Variants in DCN observed in about 807,000 individuals in gnomAD.
DCN encodes the protein decorin.
Under a neutral mutation model 36.5 loss-of-function variants are expected in DCN, and 17 were observed. The ratio of observed to expected loss-of-function variants is 0.47; its 90% CI spans 0.32 to 0.70. DCN has a LOEUF of 0.70. Ranked by LOEUF, DCN falls within the 30% of genes least tolerant of loss-of-function variation. The pLI is 0.04. For missense variants in DCN, 389 were observed against 430.1 expected (o/e 0.90, Z 0.84); for synonymous variants, 163 against 161.4 (o/e 1.01, Z -0.07).
intron 2 of DCN, among the ~76,000 whole-genome samples, chr12:91,166,728 A>G (rs1209650676): frequency 6.6e-6 from 1 of 152,116 alleles, no homozygotes; most frequent in Non-Finnish European, 1.5e-5. Context: ...ATTTTATAAC[A>G]CTAGGAACTA....
At chr12:91,156,500 A>G (rs1182793124) in intron 5 of DCN, among the ~76,000 whole-genome samples, 1 of 152,168 alleles carries the variant, frequency 6.6e-6, no homozygotes, top group Non-Finnish European at 1.5e-5. Flanking sequence ...TAACTTTTTC[A>G]AAGTCTTTGA....
At chr12:91,176,798 T>C (rs1184155871) in intron 2 of DCN, 1 of 152,184 alleles carries the variant, frequency 6.6e-6, no homozygotes, top group East Asian at 1.9e-4. Context: ...TCGCATTACA[T>C]TTTTTGGGAA....
chr12:91,166,884 A>C (rs1882606907), intron 2 of DCN, among the ~76,000 whole-genome samples: 1 of 152,138 alleles, frequency 6.6e-6, no homozygotes, highest in South Asian at 2.1e-4. Flanking sequence ...GAATTAGTAA[A>C]TTTATGTTTA....
chr12:91,148,831 C>T (rs143027685), intron 7 of DCN, among the ~76,000 whole-genome samples: 10 of 149,034 alleles, frequency 6.7e-5, no homozygotes, highest in Admixed American at 6.7e-4. Flanking sequence ...GGCTGAAAAG[C>T]GAATTAGTAG....
intron 1 of DCN, among the ~76,000 whole-genome samples, chr12:91,182,058 A>G (rs1258730436): frequency 2.0e-5 from 3 of 152,124 alleles, no homozygotes; most frequent in Non-Finnish European, 4.4e-5. Flanking sequence ...TGACTGGGAC[A>G]CTTTACATTT....
intron 7 of DCN, among the ~76,000 whole-genome samples, chr12:91,147,051 A>T (rs1223435118): frequency 6.6e-6 from 1 of 152,130 alleles, no homozygotes; most frequent in Non-Finnish European, 1.5e-5. Flanking sequence ...AAGTAAACCA[A>T]ATTATATGTT....
chr12:91,174,671 G>A (rs1402119185), intron 2 of DCN, among the ~76,000 whole-genome samples: 1 of 152,058 alleles, frequency 6.6e-6, no homozygotes, highest in Non-Finnish European at 1.5e-5. Flanking sequence ...AAAGTTTCAA[G>A]GTTACAGGTA....
intron 7 of DCN, among the ~76,000 whole-genome samples, chr12:91,147,252 T>C (rs983048988): frequency 1.3e-5 from 2 of 152,216 alleles, no homozygotes; most frequent in Non-Finnish European, 2.9e-5. Flanking sequence ...CTTCTTAAGT[T>C]ATCAACACCG....
rs1047615990 is a variant in DCN, at chr12:91,167,577, T to C, written c.212-2860A>G. 2.2e-4 allele frequency among the ~76,000 whole-genome samples: 34 copies of C among 152,176 alleles called. 1 individual carries two copies. Among genetic ancestry groups the C allele is most frequent in the East Asian group, 7.7e-4 (4 of 5,186 alleles). ...TAAATACACCTTCTTTAAAAAATGA[T>C]TATGATAGCAGATGGCAGGCTCTTC... On this transcript the variant is annotated intron_variant, in intron 2 of 7. Coordinates refer to ENST00000052754, the MANE Select transcript of DCN (RefSeq NM_001920.5).
At chr12:91,153,907 G>C (rs969159640) in intron 5 of DCN, among the ~76,000 whole-genome samples, 2 of 152,006 alleles carry the variant, frequency 1.3e-5, no homozygotes, top group African/African-American at 4.8e-5. Flanking sequence ...TCCAAAGATC[G>C]AGTATTATAA....
chr12:91,180,946 T>C (rs971766551), intron 1 of DCN: 1 of 152,172 alleles, frequency 6.6e-6, no homozygotes, highest in African/African-American at 2.4e-5. Context: ...TGCCTGGTTG[T>C]TTCACTAACA....
rs535185072 is a variant in DCN at position 91,142,349 on chromosome 12, A to G, written c.*3709T>C. Reference sequence around the variant, plus strand: ...CATTGGATGAATGAGAAATGACTGTATAAAACATTTTTAGTTTACTTGAGG... The same window carrying G: ...CATTGGATGAATGAGAAATGACTGTGTAAAACATTTTTAGTTTACTTGAGG... On this transcript the variant is annotated 3_prime_UTR_variant, in exon 8 of 8. Transcript: ENST00000052754. 6.6e-6 allele frequency: 1 copy of G among 152,302 alleles called. No homozygotes were observed. Among genetic ancestry groups the G allele is most frequent in the South Asian group, 2.1e-4 (1 of 4,832 alleles). The allele number at this position is 152,302 out of a possible 1,614,324, so 9.4% of individuals were successfully genotyped here.
intron 7 of DCN, among the ~76,000 whole-genome samples, chr12:91,148,771 C>T (rs1301748248): frequency 7.0e-6 from 1 of 142,216 alleles, no homozygotes; most frequent in Non-Finnish European, 1.5e-5. Flanking sequence ...GTTCTACCCA[C>T]TAGGACATTC....
At chr12:91,178,638 C>A (rs3138167) in intron 1 of DCN, 53 bp from the exon 2 acceptor site, 1 of 1,094,212 alleles carries the variant, frequency 9.1e-7, no homozygotes, top group South Asian at 1.3e-5. Flanking sequence ...ATCTGTGTGT[C>A]GTTTCTTATA....
At position 91,164,652 on chromosome 12, in the gene DCN, T is replaced by C. The variant is rs376699697; in HGVS notation, c.277A>G (p.Ile93Val). 1 of 1,613,166 alleles carries C rather than the reference T, an allele frequency of 6.2e-7. No individual in the cohort carries two copies. Residue 93 changes from isoleucine (I) to valine (V), a missense_variant, in exon 3 of 8, where the codon ATA becomes GTA. Ile to Val is a conservative substitution (Grantham distance 29). Transcript: ENST00000052754. ...TTLLDLQNNK[I>V]TEIKDGDFKN... is the part of the protein sequence containing the mutation. ...AAGTCTCCATCTTTGATTTCGGTTA[T>C]TTTGTTGTTTTGCAGGTCTAGCAGA...
chr12:91,151,331 T>A (rs1881399336), intron 7 of DCN: 1 of 210,484 alleles, frequency 4.8e-6, no homozygotes, highest in South Asian at 7.7e-5. Flanking sequence ...AAAAAAAGAA[T>A]TTTTATTTTA....
chr12:91,157,887 C>T (rs1183337706), intron 4 of DCN, among the ~76,000 whole-genome samples: 3 of 152,174 alleles, frequency 2.0e-5, no homozygotes, highest in African/African-American at 7.2e-5. Flanking sequence ...TTCGGCCTCC[C>T]AAAGTGCTGG....
intron 2 of DCN, among the ~76,000 whole-genome samples, chr12:91,166,352 T>C (rs3138295): frequency 0.035 from 5,358 of 152,216 alleles, 239 homozygotes; most frequent in East Asian, 0.25. Flanking sequence ...AGCTACCTTG[T>C]AGGAGGTTGC....
intron 3 of DCN, among the ~76,000 whole-genome samples, chr12:91,163,372 C>A (rs1207985193): frequency 1.3e-5 from 2 of 152,174 alleles, no homozygotes; most frequent in Non-Finnish European, 2.9e-5. Context: ...CTGGGGAATG[C>A]ATTAATCAAA....
Sources: allele counts gnomAD v4.1 joint callset (sites outside exome capture counted in the v4.1 genomes callset), GRCh38; gene constraint gnomAD v4.1.1; transcripts MANE v1.5; gene names NCBI Gene and HGNC (gene_info 2026-07-23, HGNC 2026-07-21).